Variants in MNAT1 observed in about 807,000 individuals in gnomAD.
MNAT1 encodes the protein MNAT1 component of CDK activating kinase.
In MNAT1, 43 loss-of-function variants were observed where a neutral mutation model predicts 42.0. The ratio of observed to expected loss-of-function variants is 1.02; its 90% CI spans 0.80 to 1.32. The LOEUF (loss-of-function observed/expected upper bound fraction) is 1.32, where lower values mean the gene tolerates loss of function less well. Ranked by LOEUF, MNAT1 falls within the 40% of genes most tolerant of loss-of-function variation. MNAT1 has a pLI of 0.00. For synonymous variants in MNAT1, 118 were observed against 120.0 expected (o/e 0.98, Z 0.11); for missense variants, 306 against 350.4 (o/e 0.87, Z 1.01).
chr14:60,854,593 A>G (rs2033908814), intron 6 of MNAT1, among the ~76,000 whole-genome samples: 1 of 151,984 alleles, frequency 6.6e-6, no homozygotes, highest in South Asian at 2.1e-4. Context: ...CTGGAGGTCC[A>G]CTCCAGACCC....
At chr14:60,819,247 T>A (rs2032808977) in intron 6 of MNAT1, among the ~76,000 whole-genome samples, 1 of 152,054 alleles carries the variant, frequency 6.6e-6, no homozygotes, top group Non-Finnish European at 1.5e-5. Flanking sequence ...CTGAAAGCCA[T>A]TTTTAGTTTC....
intron 7 of MNAT1, among the ~76,000 whole-genome samples, chr14:60,935,271 T>C (rs899402568): frequency 4.0e-5 from 6 of 151,738 alleles, no homozygotes; most frequent in African/African-American, 1.5e-4. Flanking sequence ...CCCCCTCTCT[T>C]TTTTTTCTTT....
intron 6 of MNAT1, among the ~76,000 whole-genome samples, chr14:60,873,496 T>A (rs2034372780): frequency 6.6e-6 from 1 of 152,180 alleles, no homozygotes; most frequent in Non-Finnish European, 1.5e-5. Flanking sequence ...TGAGACAAGA[T>A]CTTGCTCTGA....
chr14:60,800,583 C>T (rs2032171313), intron 3 of MNAT1, among the ~76,000 whole-genome samples: 1 of 152,008 alleles, frequency 6.6e-6, no homozygotes, highest in Admixed American at 6.6e-5. Flanking sequence ...ATATAGATGA[C>T]AGTTATGGCC....
At chr14:60,923,779 G>A (rs558417645) in intron 7 of MNAT1, among the ~76,000 whole-genome samples, 1 of 152,256 alleles carries the variant, frequency 6.6e-6, no homozygotes, top group South Asian at 2.1e-4. Context: ...AGGAGTTTGA[G>A]ACCAGCTTGG....
chr14:60,957,619 A>C (rs1044195203), intron 7 of MNAT1, among the ~76,000 whole-genome samples: 1 of 152,170 alleles, frequency 6.6e-6, no homozygotes, highest in East Asian at 1.9e-4. Context: ...CAGCCGAACC[A>C]TATCATTCTT....
chr14:60,851,756 G>C (rs2033827085), intron 6 of MNAT1, among the ~76,000 whole-genome samples: 1 of 152,064 alleles, frequency 6.6e-6, no homozygotes, highest in South Asian at 2.1e-4. Flanking sequence ...CTGTGTCCAT[G>C]TGTTTTCACT....
rs68107318 is a variant in MNAT1, at chr14:60,738,253, A to ATT, written c.89+3321_89+3322dup. Reference sequence around the variant, plus strand: ...TTTTCTGATAAGAAAAACATCTTGGATTTTTTTTTTTTTTTTTTTTGAGAC... The same window carrying ATT: ...TTTTCTGATAAGAAAAACATCTTGGATTTTTTTTTTTTTTTTTTTTTTGAGAC... On this transcript the variant is annotated intron_variant, in intron 1 of 7. Coordinates refer to ENST00000261245, the MANE Select transcript of MNAT1 (RefSeq NM_002431.4). Among the ~76,000 whole-genome samples, 247 of 105,506 alleles carry ATT rather than the reference A, an allele frequency of 2.3e-3. 3 individuals carry two copies. The highest frequency in any genetic ancestry group is 4.4e-3 in the African/African-American group (120 of 27,564). The allele number at this position is 105,506 out of a possible 152,430, so 69.2% of individuals were successfully genotyped here. A position where few individuals can be genotyped will look rare whatever the true frequency, so the allele number is the denominator to read the frequency against.
chr14:60,884,915 C>T (rs540745703), intron 7 of MNAT1, among the ~76,000 whole-genome samples: 5 of 152,010 alleles, frequency 3.3e-5, no homozygotes, highest in Non-Finnish European at 5.9e-5. Flanking sequence ...TTTTGTTTGT[C>T]CGGGAAAGTC....
intron 6 of MNAT1, among the ~76,000 whole-genome samples, chr14:60,874,815 C>G (rs377443109): frequency 9.2e-5 from 14 of 152,200 alleles, no homozygotes; most frequent in Admixed American, 5.2e-4. Flanking sequence ...CTTTTAAACA[C>G]CCTTTTCCTC....
chr14:60,747,217 C>T (rs1044836682), intron 1 of MNAT1, among the ~76,000 whole-genome samples: 5 of 151,690 alleles, frequency 3.3e-5, no homozygotes, highest in Non-Finnish European at 7.4e-5. Context: ...ATCTCCTGAC[C>T]TTGTGATCTG....
At chr14:60,893,881 T>A (rs1466741472) in intron 7 of MNAT1, among the ~76,000 whole-genome samples, 1 of 152,178 alleles carries the variant, frequency 6.6e-6, no homozygotes, top group Admixed American at 6.5e-5. Flanking sequence ...TTCTTGCTTC[T>A]CCTTTTCCAA....
chr14:60,907,637 C>A (rs965068225), intron 7 of MNAT1, among the ~76,000 whole-genome samples: 1 of 151,392 alleles, frequency 6.6e-6, no homozygotes, highest in Non-Finnish European at 1.5e-5. Context: ...ACAAAATTAG[C>A]AGGGCATGGT....
At chr14:60,864,103 A>G (rs2034154852) in intron 6 of MNAT1, among the ~76,000 whole-genome samples, 1 of 152,020 alleles carries the variant, frequency 6.6e-6, no homozygotes, top group African/African-American at 2.4e-5. Context: ...CTCAGTAAAG[A>G]TGAAATTTGC....
At chr14:60,907,303 C>T (rs1374696543) in intron 7 of MNAT1, among the ~76,000 whole-genome samples, 7 of 151,670 alleles carry the variant, frequency 4.6e-5, no homozygotes, top group Non-Finnish European at 7.4e-5. Flanking sequence ...TGTGGTGGCA[C>T]GCGCCTGTAG....
intron 7 of MNAT1, among the ~76,000 whole-genome samples, chr14:60,933,472 T>C (rs543190902): frequency 6.6e-6 from 1 of 152,258 alleles, no homozygotes; most frequent in African/African-American, 2.4e-5. Flanking sequence ...GTGATTTTAT[T>C]TGTGCTCTTA....
chr14:60,967,187 C>T (rs1311007734), intron 7 of MNAT1, among the ~76,000 whole-genome samples: 1 of 152,096 alleles, frequency 6.6e-6, no homozygotes, highest in Non-Finnish European at 1.5e-5. Flanking sequence ...GTTTTAGCTA[C>T]ACAGGTTTAT....
chr14:60,837,109 T>C (rs1032457767), intron 6 of MNAT1, among the ~76,000 whole-genome samples: 3 of 152,202 alleles, frequency 2.0e-5, no homozygotes, highest in African/African-American at 7.2e-5. Flanking sequence ...CTTCAGACTG[T>C]TGTGCTGGCA....
At chr14:60,771,550 A>T (rs1010335298) in intron 1 of MNAT1, among the ~76,000 whole-genome samples, 9 of 152,210 alleles carry the variant, frequency 5.9e-5, no homozygotes, top group African/African-American at 1.4e-4. Context: ...TAAACTCTGT[A>T]GTGGCTCCTC....
Sources: allele counts gnomAD v4.1 joint callset (sites outside exome capture counted in the v4.1 genomes callset), GRCh38; gene constraint gnomAD v4.1.1; transcripts MANE v1.5; gene names NCBI Gene and HGNC (gene_info 2026-07-23, HGNC 2026-07-21).